The following VSNL1 variants were observed in gnomAD, a reference collection of about 807,000 sequenced individuals.
VSNL1 encodes visinin like 1, also known as visinin-like protein 1.
In VSNL1, 6 loss-of-function variants were observed where a neutral mutation model predicts 20.4. The observed-to-expected ratio is 0.29, with a 90% confidence interval of 0.16 to 0.58. The LOEUF is 0.58. Among genes scored for constraint, VSNL1 ranks in the 20% least tolerant of loss-of-function variants. The pLI is 0.90. For missense variants in VSNL1, 100 were observed against 234.5 expected, an observed-to-expected ratio of 0.43 and a Z score of 3.75; for synonymous variants, 93 against 86.4, an observed-to-expected ratio of 1.08 and a Z score of -0.42.
intron 2 of VSNL1, among the ~76,000 whole-genome samples, chr2:17,612,330 G>T (rs906336543): frequency 1.3e-5 from 2 of 152,188 alleles, no homozygotes; most frequent in Non-Finnish European, 2.9e-5. Flanking sequence ...TGAGCAGGGA[G>T]CCCCCCTCCC....
chr2:17,640,686 CT>C (rs960610207), intron 2 of VSNL1, among the ~76,000 whole-genome samples: 14 of 151,764 alleles, frequency 9.2e-5, no homozygotes, highest in East Asian at 1.9e-4. Context: ...TGTTCCACTT[CT>C]TTTTTTTTCT....
intron 1 of VSNL1, among the ~76,000 whole-genome samples, chr2:17,556,990 T>C (rs938254283): frequency 6.6e-6 from 1 of 152,168 alleles, no homozygotes; most frequent in Non-Finnish European, 1.5e-5. Context: ...TCTCCTCAGT[T>C]AATCCAGCAA....
intron 2 of VSNL1, among the ~76,000 whole-genome samples, chr2:17,638,248 G>T (rs529761114): frequency 2.0e-5 from 3 of 152,334 alleles, no homozygotes; most frequent in South Asian, 2.1e-4. Flanking sequence ...ACTCATCCAT[G>T]TAATAGGGAC....
chr2:17,592,508 A>T (rs1333492537), intron 2 of VSNL1, among the ~76,000 whole-genome samples: 1 of 152,158 alleles, frequency 6.6e-6, no homozygotes, highest in Non-Finnish European at 1.5e-5. Flanking sequence ...AACCATAAAA[A>T]GCTCAGAGAA....
intron 1 of VSNL1, among the ~76,000 whole-genome samples, chr2:17,545,319 A>G (rs1663382664): frequency 6.6e-6 from 1 of 152,122 alleles, no homozygotes; most frequent in Non-Finnish European, 1.5e-5. Flanking sequence ...ATCTCAAAAA[A>G]ATTATTTTAT....
In VSNL1 at chr2:17,592,123, G is replaced by A; in HGVS notation, c.49G>A (p.Val17Met). Residue 17 changes from valine (V) to methionine (M), a missense_variant, in exon 2 of 4, where the codon GTG becomes ATG. Transcript: ENST00000295156. Reference sequence around the variant, plus strand: ...GGCCCCTGAAGTGATGGAGGACCTGGTGAAGAGCACAGAGTTTAATGAGCA... The same window carrying A: ...GGCCCCTGAAGTGATGGAGGACCTGATGAAGAGCACAGAGTTTAATGAGCA... ...KLAPEVMEDLVKSTEFNEHEL... is the reference protein window; with the variant it reads ...KLAPEVMEDLMKSTEFNEHEL... The A allele has an allele frequency of 1.2e-6, 2 of 1,613,910 alleles. No homozygotes were observed. The highest frequency in any genetic ancestry group is 8.5e-7 in the Non-Finnish European group (1 of 1,179,828).
intron 1 of VSNL1, among the ~76,000 whole-genome samples, chr2:17,550,432 A>C (rs866076719): frequency 6.6e-6 from 1 of 152,194 alleles, no homozygotes; most frequent in Non-Finnish European, 1.5e-5. Context: ...CTGGTTGTAG[A>C]ACTTGAGCCC....
At chr2:17,571,340 T>C (rs1281750949) in intron 1 of VSNL1, among the ~76,000 whole-genome samples, 1 of 152,168 alleles carries the variant, frequency 6.6e-6, no homozygotes, top group East Asian at 1.9e-4. Context: ...AAGGTTGTTT[T>C]TTCAGTTCTT....
intron 1 of VSNL1, among the ~76,000 whole-genome samples, chr2:17,544,895 C>T (rs1014434638): frequency 3.3e-5 from 5 of 152,144 alleles, no homozygotes; most frequent in Admixed American, 2.6e-4. Flanking sequence ...GATAGTTTTA[C>T]TATCCCAATG....
chr2:17,561,154 A>G (rs1333898900), intron 1 of VSNL1, among the ~76,000 whole-genome samples: 1 of 152,194 alleles, frequency 6.6e-6, no homozygotes, highest in Admixed American at 6.5e-5. Context: ...TAGGGAAGGG[A>G]CAATAAACAG....
At chr2:17,586,105 G>A (rs1350538051) in intron 1 of VSNL1, among the ~76,000 whole-genome samples, 3 of 152,054 alleles carry the variant, frequency 2.0e-5, no homozygotes, top group Non-Finnish European at 2.9e-5. Flanking sequence ...CACTGCACCC[G>A]GCCAATTTTG....
At chr2:17,610,594 T>C (rs1665061150) in intron 2 of VSNL1, among the ~76,000 whole-genome samples, 1 of 152,174 alleles carries the variant, frequency 6.6e-6, no homozygotes, top group Non-Finnish European at 1.5e-5. Context: ...TCCTAGATAT[T>C]TCTCAGCCAC....
chr2:17,562,501 A>C (rs1039972051), intron 1 of VSNL1, among the ~76,000 whole-genome samples: 4 of 152,208 alleles, frequency 2.6e-5, no homozygotes, highest in African/African-American at 9.7e-5. Flanking sequence ...AGCAAAAAGC[A>C]TTTGGTCCCT....
intron 1 of VSNL1, among the ~76,000 whole-genome samples, chr2:17,544,195 T>C (rs1329359868): frequency 6.6e-6 from 1 of 152,208 alleles, no homozygotes; most frequent in African/African-American, 2.4e-5. Flanking sequence ...GTGGTGAGTT[T>C]CTCAACACCT....
chr2:17,623,485 C>T (rs1392585789), intron 2 of VSNL1, among the ~76,000 whole-genome samples: 17 of 151,736 alleles, frequency 1.1e-4, no homozygotes, highest in East Asian at 1.9e-4. Flanking sequence ...CTGGCTAACA[C>T]GGCGAAACCC....
chr2:17,555,475 A>G (rs1463594189), intron 1 of VSNL1, among the ~76,000 whole-genome samples: 2 of 152,052 alleles, frequency 1.3e-5, no homozygotes, highest in African/African-American at 4.8e-5. Context: ...CACCATCATC[A>G]TTATCACCTT....
chr2:17,545,725 CTATT>C (rs1049546859), intron 1 of VSNL1, among the ~76,000 whole-genome samples: 6 of 152,054 alleles, frequency 3.9e-5, no homozygotes, highest in Non-Finnish European at 8.8e-5. Flanking sequence ...GCTTTAGAAA[CTATT>C]TAATGAATGA....
intron 2 of VSNL1, among the ~76,000 whole-genome samples, chr2:17,623,623 T>C (rs1665436073): frequency 1.5e-5 from 2 of 129,742 alleles, no homozygotes; most frequent in Non-Finnish European, 3.1e-5. Context: ...TGAGCCAAGA[T>C]CATGCCACTG....
chr2:17,552,486 T>G (rs1663567724), intron 1 of VSNL1, among the ~76,000 whole-genome samples: 1 of 152,160 alleles, frequency 6.6e-6, no homozygotes, highest in Non-Finnish European at 1.5e-5. Flanking sequence ...AAAGCGTACA[T>G]ATTTGGAGAG....
Sources: gnomAD v4.1 joint callset for allele counts (sites outside exome capture counted in the v4.1 genomes callset) on GRCh38, gnomAD v4.1.1 for gene constraint, MANE v1.5 for transcripts, NCBI Gene and HGNC (gene_info 2026-07-23, HGNC 2026-07-21) for gene names.